Variants in CDH13 observed in about 807,000 individuals in gnomAD.
The protein encoded by CDH13 is cadherin-13.
A neutral mutation model predicts 63.8 loss-of-function variants in CDH13; 24 were observed. The ratio of observed to expected loss-of-function variants is 0.38; its 90% CI spans 0.27 to 0.53. The LOEUF is 0.53. Ranked by LOEUF, CDH13 falls within the 20% of genes least tolerant of loss-of-function variation. The pLI is 0.85. For synonymous variants in CDH13, 503 were observed against 355.3 expected (o/e 1.42, Z -4.67); for missense variants, 1,049 against 903.1 (o/e 1.16, Z -2.07).
chr16:82,847,472 C>T (rs1234241383), intron 1 of CDH13, among the ~76,000 whole-genome samples: 1 of 151,950 alleles, frequency 6.6e-6, no homozygotes, highest in African/African-American at 2.4e-5. Context: ...GAGTTCATCT[C>T]ATAACATATC....
At chr16:83,371,012 A>G (rs375176944) in intron 6 of CDH13, among the ~76,000 whole-genome samples, 1 of 152,240 alleles carries the variant, frequency 6.6e-6, no homozygotes, top group Non-Finnish European at 1.5e-5. Flanking sequence ...CAGAATGGCT[A>G]TTACTAAAAA....
chr16:83,395,775 G>T (rs2091876145), intron 6 of CDH13, among the ~76,000 whole-genome samples: 1 of 152,188 alleles, frequency 6.6e-6, no homozygotes, highest in Non-Finnish European at 1.5e-5. Flanking sequence ...ACCATGGGAA[G>T]TTATTTCACC....
At chr16:83,587,424 C>G (rs942507376) in intron 7 of CDH13, among the ~76,000 whole-genome samples, 6 of 152,170 alleles carry the variant, frequency 3.9e-5, no homozygotes, top group African/African-American at 1.4e-4. Context: ...TCGGTGAGCT[C>G]CTGTGCTTCT....
chr16:82,982,528 C>G (rs901764730), intron 2 of CDH13, among the ~76,000 whole-genome samples: 8 of 152,162 alleles, frequency 5.3e-5, no homozygotes, highest in African/African-American at 1.9e-4. Flanking sequence ...CCTCCATGTT[C>G]AAAGCTGCAT....
At chr16:83,249,759 G>A (rs1248412924) in intron 5 of CDH13, among the ~76,000 whole-genome samples, 1 of 152,204 alleles carries the variant, frequency 6.6e-6, no homozygotes. Flanking sequence ...TGATGGATCA[G>A]ACTTTGCACG....
intron 3 of CDH13, among the ~76,000 whole-genome samples, chr16:83,101,265 A>G (rs1467854387): frequency 1.3e-5 from 2 of 150,568 alleles, no homozygotes; most frequent in African/African-American, 4.9e-5. Context: ...ACTTATGTAT[A>G]CATATACATA....
chr16:82,790,490 C>A (rs2036246658), intron 1 of CDH13, among the ~76,000 whole-genome samples: 1 of 152,082 alleles, frequency 6.6e-6, no homozygotes, highest in Admixed American at 6.6e-5. Context: ...ATAAACATTT[C>A]TCAATTTGGG....
chr16:83,088,698 A>G (rs1030943614), intron 3 of CDH13, among the ~76,000 whole-genome samples: 53 of 152,216 alleles, frequency 3.5e-4, no homozygotes, highest in African/African-American at 1.3e-3. Flanking sequence ...ATGGCTCAAC[A>G]TGTTTAAAGC....
At chr16:83,693,959 G>A (rs1309237830) in intron 10 of CDH13, among the ~76,000 whole-genome samples, 1 of 152,214 alleles carries the variant, frequency 6.6e-6, no homozygotes, top group Non-Finnish European at 1.5e-5. Flanking sequence ...GACTGTTCCT[G>A]TGAGCAAAAG....
intron 7 of CDH13, among the ~76,000 whole-genome samples, chr16:83,587,616 A>G (rs180861070): frequency 3.3e-5 from 5 of 152,322 alleles, no homozygotes; most frequent in African/African-American, 1.2e-4. Context: ...GGGAAGAAGA[A>G]AGAAAAAGAA....
intron 10 of CDH13, among the ~76,000 whole-genome samples, chr16:83,695,427 A>G (rs1905279527): frequency 6.6e-6 from 1 of 152,224 alleles, no homozygotes; most frequent in South Asian, 2.1e-4. Context: ...GATCAAGAGT[A>G]GAAATGAGTT....
At chr16:83,169,436 A>G (rs2037828070) in intron 4 of CDH13, among the ~76,000 whole-genome samples, 1 of 152,028 alleles carries the variant, frequency 6.6e-6, no homozygotes, top group Non-Finnish European at 1.5e-5. Context: ...CGGCTTCCCG[A>G]AGTGCTGGGA....
At chr16:83,623,880 C>G (rs146385122) in intron 8 of CDH13, among the ~76,000 whole-genome samples, 1 of 152,236 alleles carries the variant, frequency 6.6e-6, no homozygotes, top group African/African-American at 2.4e-5. Context: ...ACTAGAGGCT[C>G]ACCCTTCGAC....
At chr16:82,750,805 G>A (rs114812817) in intron 1 of CDH13, among the ~76,000 whole-genome samples, 2,298 of 152,182 alleles carry the variant, frequency 0.015, 58 homozygotes, top group African/African-American at 0.053. Context: ...AACAGCCTAG[G>A]CAAAGACTCT....
chr16:83,150,542 C>A (rs944121914), intron 4 of CDH13, among the ~76,000 whole-genome samples: 5 of 152,240 alleles, frequency 3.3e-5, no homozygotes, highest in African/African-American at 9.6e-5. Context: ...GATTGATTCT[C>A]ACCTGCCTGT....
chr16:83,303,425 G>A (rs2151878507), intron 5 of CDH13, among the ~76,000 whole-genome samples: 1 of 152,270 alleles, frequency 6.6e-6, no homozygotes, highest in East Asian at 1.9e-4. Context: ...CTTTTAGGGG[G>A]AATGAATAAG....
intron 4 of CDH13, among the ~76,000 whole-genome samples, chr16:83,171,768 T>C (rs1215890131): frequency 1.3e-5 from 2 of 152,142 alleles, no homozygotes; most frequent in Non-Finnish European, 2.9e-5. Context: ...TCAGGTAGTA[T>C]TGTAGGAAGA....
chr16:83,317,812 A>G (rs1454099535), intron 5 of CDH13, among the ~76,000 whole-genome samples: 2 of 151,946 alleles, frequency 1.3e-5, no homozygotes, highest in Admixed American at 1.3e-4. Flanking sequence ...GAAAAAAAAA[A>G]AAAGGAATCC....
chr16:83,576,197 C>T (rs1289482503), intron 7 of CDH13, among the ~76,000 whole-genome samples: 3 of 152,200 alleles, frequency 2.0e-5, no homozygotes, highest in Non-Finnish European at 4.4e-5. Flanking sequence ...CTAAAAACAA[C>T]CTCCTTTCTG....
Sources: gnomAD v4.1 joint callset for allele counts (sites outside exome capture counted in the v4.1 genomes callset) on GRCh38, gnomAD v4.1.1 for gene constraint, MANE v1.5 for transcripts, NCBI Gene and HGNC (gene_info 2026-07-23, HGNC 2026-07-21) for gene names.